The following DNAH17 variants were observed in gnomAD, a reference collection of about 807,000 sequenced individuals.
DNAH17 encodes the protein dynein axonemal heavy chain 17.
Under a neutral mutation model 485.6 loss-of-function variants are expected in DNAH17, and 376 were observed. The observed-to-expected ratio is 0.77, with a 90% CI of 0.71 to 0.84. DNAH17 has a LOEUF of 0.84. Among genes scored for constraint, DNAH17 ranks in the 40% least tolerant of loss-of-function variants. DNAH17 has a pLI of 0.00. For missense variants in DNAH17, 6,370 were observed against 5,839.3 expected, an observed-to-expected ratio of 1.09 and a Z score of -2.96; for synonymous variants, 3,031 against 2,405.9, an observed-to-expected ratio of 1.26 and a Z score of -7.60.
Position 78,546,886 on chromosome 17 carries a change from CAG to C in DNAH17, c.2392-2891_2392-2890del, listed in dbSNP as rs562076661. On this transcript the variant is annotated intron_variant, in intron 16 of 80. Transcript: ENST00000389840. ...TGCCATTGTACTCCAGCCTGGGTGA[CAG>C]AGTAAGACTCCATCTCAAGAAAGAA... is the stretch of plus-strand genomic sequence containing the variant. 3.3e-3 allele frequency among the ~76,000 whole-genome samples: 489 copies of C among 149,040 alleles called. 1 individual carries two copies. Among genetic ancestry groups the C allele is most frequent in the Non-Finnish European group, 6.1e-3 (414 of 67,428 alleles).
chr17:78,427,088 G>A lies in DNAH17; in HGVS notation c.12609C>T (p.Asp4203=), dbSNP rs752134298. The stretch of plus-strand genomic sequence containing the variant: ...AAGTCTCCGGAATCTTCTCCAGGAT[G>A]TCGTCCAGCACGGCCTTCACCTGGA... ...REEKVKAVLD[D]ILEKIPETFN... Residue 4203 remains aspartate (D), a synonymous_variant, in exon 78 of 81, where the codon GAC becomes GAT. Transcript: ENST00000389840. 3 of 1,581,346 alleles carry A rather than the reference G, an allele frequency of 1.9e-6. No individual in the cohort carries two copies. Among genetic ancestry groups the A allele is most frequent in the Non-Finnish European group, 1.7e-6 (2 of 1,163,862 alleles).
At chr17:78,461,210 T>C (rs1338885562) in intron 58 of DNAH17, among the ~76,000 whole-genome samples, 1 of 151,956 alleles carries the variant, frequency 6.6e-6, no homozygotes, top group Non-Finnish European at 1.5e-5. Context: ...GGCATTTCGT[T>C]ACCATGCAGG....
rs574749014 is a variant in DNAH17 at position 78,450,250 on chromosome 17, G to T, written c.11040+4C>A. ...AGGCACCCAGCCCCAGCTGCAGGGC[G>T]CACCTTGAGGGAGAACTGGTAGACG... On this transcript the variant is annotated splice_donor_region_variant and intron_variant, in intron 68 of 80. Coordinates refer to ENST00000389840, the MANE Select transcript of DNAH17 (RefSeq NM_173628.4). 5 of 1,613,424 alleles carry T rather than the reference G, an allele frequency of 3.1e-6. No individual in the cohort carries two copies. The highest frequency in any genetic ancestry group is 4.2e-6 in the Non-Finnish European group (5 of 1,179,680).
At chr17:78,490,598 T>A in intron 44 of DNAH17, 101 bp downstream of exon 44, 1 of 1,467,220 alleles carries the variant, frequency 6.8e-7, no homozygotes, top group Non-Finnish European at 9.2e-7. Flanking sequence ...GATACACAGT[T>A]TGTGACATGA....
intron 2 of DNAH17, among the ~76,000 whole-genome samples, chr17:78,573,297 C>A (rs1029017457): frequency 7.9e-5 from 12 of 152,108 alleles, no homozygotes; most frequent in African/African-American, 2.7e-4. Flanking sequence ...GAGATAGGGT[C>A]TTTAAAGAGG....
chr17:78,515,490 C>G (rs756603823), intron 25 of DNAH17, among the ~76,000 whole-genome samples: 2 of 151,510 alleles, frequency 1.3e-5, no homozygotes, highest in African/African-American at 2.4e-5. Flanking sequence ...GCCTGGGTGA[C>G]AGAGTGAGAC....
In DNAH17 at chr17:78,454,697, G is replaced by A. The variant is rs1198007013; in HGVS notation, c.10179C>T (p.Ile3393=). Residue 3393 remains isoleucine (I), a synonymous_variant, in exon 64 of 81, where the codon ATC becomes ATT. Coordinates refer to ENST00000389840, the MANE Select transcript of DNAH17 (RefSeq NM_173628.4). ...AGGGATCCAGGCCATTCGTGATCGGGATGGGGACCTGCCCAGGGAGGCACA... is the reference window on the plus strand; with the variant it reads ...AGGGATCCAGGCCATTCGTGATCGGAATGGGGACCTGCCCAGGGAGGCACA... The part of the protein sequence containing the change: ...IPYIHNLKVP[I]PITNGLDPLS... 6.2e-7 allele frequency: 1 copy of A among 1,611,906 alleles called. No homozygotes were observed. Among genetic ancestry groups the A allele is most frequent in the South Asian group, 1.1e-5 (1 of 91,074 alleles).
At chr17:78,533,298 C>A (rs982074698) in intron 19 of DNAH17, among the ~76,000 whole-genome samples, 1 of 152,184 alleles carries the variant, frequency 6.6e-6, no homozygotes, top group Non-Finnish European at 1.5e-5. Context: ...AAAAGCATCT[C>A]CACCCTCCCC....
chr17:78,544,328 G>A (rs1231691981), intron 16 of DNAH17, among the ~76,000 whole-genome samples: 2 of 152,212 alleles, frequency 1.3e-5, no homozygotes, highest in African/African-American at 4.8e-5. Flanking sequence ...GGGACGGAAG[G>A]ACCCGAGCGT....
chr17:78,428,699 G>A lies in DNAH17; in HGVS notation c.12414C>T (p.His4138=), dbSNP rs557732049. 1.2e-5 allele frequency: 20 copies of A among 1,613,304 alleles called. 1 individual carries two copies. Among genetic ancestry groups the A allele is most frequent in the Middle Eastern group, 1.6e-4 (1 of 6,080 alleles). ...GGGGCAGGTTCTCATCGATGTATTC[G>A]TGGTAACCCTGAAAAAGAGGGCAGT... ...IPPNLDYKGY[H]EYIDENLPPE... is the part of the protein sequence containing the mutation. Residue 4138 remains histidine, a synonymous_variant, in exon 77 of 81, where the codon CAC becomes CAT. Transcript: ENST00000389840.
In DNAH17 at chr17:78,492,775, G is replaced by T. The variant is rs1311188629; in HGVS notation, c.6409-10C>A. On this transcript the variant is annotated splice_polypyrimidine_tract_variant and intron_variant, in intron 41 of 80. Coordinates refer to ENST00000389840, the MANE Select transcript of DNAH17 (RefSeq NM_173628.4). ...TGAGGGATTTGAGGACCTGGCGAAG[G>T]TGGGGGTCACTCACGTGTGACTCCA... The T allele has an allele frequency of 6.2e-7, 1 of 1,609,496 alleles. No individual in the cohort carries two copies. Among genetic ancestry groups the T allele is most frequent in the African/African-American group, 1.3e-5 (1 of 74,692 alleles).
In DNAH17 at chr17:78,468,832, C is replaced by G. The variant is rs369279801; in HGVS notation, c.8563G>C (p.Val2855Leu). 6.2e-7 allele frequency: 1 copy of G among 1,613,998 alleles called. No individual in the cohort carries two copies. Among genetic ancestry groups the G allele is most frequent in the South Asian group, 1.1e-5 (1 of 91,088 alleles). ...IKAAVKNVPS[V>L]FLMTDSQVAE... ...ACCTGGGAGTCTGTCATCAGGAACA[C>G]CGAGGGAACGTTCTTCACGGCAGCC... The change falls in exon 55 of 81, where the codon GTG (valine) becomes CTG (leucine). Residue 2855 changes from valine to leucine, a missense_variant. Transcript: ENST00000389840.
At chr17:78,546,360 TACATTTTTAA>T (rs2091764085) in intron 16 of DNAH17, among the ~76,000 whole-genome samples, 2 of 152,254 alleles carry the variant, frequency 1.3e-5, no homozygotes, top group African/African-American at 4.8e-5. Context: ...AGCATATAAC[TACATTTTTAA>T]ACAATCTATT....
intron 36 of DNAH17, 86 bp from the exon 37 acceptor site, chr17:78,499,198 CTG>C (rs2090184366): frequency 2.0e-6 from 2 of 980,534 alleles, no homozygotes; most frequent in South Asian, 1.9e-5. Context: ...GCCTCTTCGG[CTG>C]TGTTTTCTCT....
At chr17:78,463,353 C>T (rs1019981328) in intron 56 of DNAH17, among the ~76,000 whole-genome samples, 3 of 152,216 alleles carry the variant, frequency 2.0e-5, no homozygotes, top group East Asian at 1.9e-4. Flanking sequence ...CACATGCATA[C>T]ACACACACGT....
chr17:78,499,374 A>G (rs1359100677), intron 36 of DNAH17: 1 of 331,480 alleles, frequency 3.0e-6, no homozygotes, highest in African/African-American at 2.1e-5. Flanking sequence ...GGAGTCCCTA[A>G]TAAGGGGCTC....
intron 14 of DNAH17, 108 bp downstream of exon 14, chr17:78,558,000 G>A: frequency 7.6e-7 from 1 of 1,324,238 alleles, no homozygotes; most frequent in Non-Finnish European, 1.0e-6. Flanking sequence ...TGAGTGAATG[G>A]GAAGATTTCC....
chr17:78,505,445 C>T lies in DNAH17; in HGVS notation c.4804G>A (p.Val1602Met), dbSNP rs758432879. The change falls in exon 31 of 81, where the codon GTG (valine) becomes ATG (methionine). Residue 1602 changes from valine to methionine, a missense_variant and splice_region_variant. By Grantham distance (21) the Val-to-Met change is conservative (BLOSUM62 1). Coordinates refer to ENST00000389840, the MANE Select transcript of DNAH17 (RefSeq NM_173628.4). Reference sequence around the variant, plus strand: ...AAGAGTTTGGACAGGTGGCGGCTCACCTGGGAGGAGGCAAGAAGCGGGAAT... The same window carrying T: ...AAGAGTTTGGACAGGTGGCGGCTCATCTGGGAGGAGGCAAGAAGCGGGAAT... ...ILSNGNDPVE[V>M]SRHLSKLFDS... 2 of 1,613,958 alleles carry T rather than the reference C, an allele frequency of 1.2e-6. No homozygotes were observed. The highest frequency in any genetic ancestry group is 1.7e-6 in the Non-Finnish European group (2 of 1,179,876).
chr17:78,574,479 G>A (rs1317988396), intron 2 of DNAH17, among the ~76,000 whole-genome samples: 1 of 151,832 alleles, frequency 6.6e-6, no homozygotes, highest in African/African-American at 2.4e-5. Context: ...CTCCAGCCTG[G>A]GAAGCAGAGT....
Sources: gnomAD v4.1 joint callset for allele counts (sites outside exome capture counted in the v4.1 genomes callset) on GRCh38, gnomAD v4.1.1 for gene constraint, MANE v1.5 for transcripts, NCBI Gene and HGNC (gene_info 2026-07-23, HGNC 2026-07-21) for gene names.